Variants in VAV1 observed in about 807,000 individuals in gnomAD.
VAV1 encodes the protein proto-oncogene vav.
A neutral mutation model predicts 128.1 loss-of-function variants in VAV1; 33 were observed. The ratio of observed to expected loss-of-function variants is 0.26; its 90% confidence interval spans 0.20 to 0.34. The LOEUF is 0.34. Among genes scored for constraint, VAV1 ranks in the 10% least tolerant of loss-of-function variants. VAV1 has a pLI of 1.00. For missense variants in VAV1, 715 were observed against 1,093.7 expected, an observed-to-expected ratio of 0.65 and a Z score of 4.88; for synonymous variants, 394 against 409.8, an observed-to-expected ratio of 0.96 and a Z score of 0.47.
rs1971757356 is a variant in VAV1 at position 6,820,605 on chromosome 19, T to G, written c.205-97T>G. On this transcript the variant is annotated intron_variant, in intron 1 of 26. Coordinates refer to ENST00000602142, the MANE Select transcript of VAV1 (RefSeq NM_005428.4). This position sits in a 1 kb window ranked among gnomAD's most constrained non-coding sequence, Gnocchi z 4.4. ...ATGGAAGAGGGTCTGTGCTTTCATT[T>G]CCCCTCCACACCAGTCCCCAAGCTA... The G allele has an allele frequency of 3.4e-6, 3 of 872,958 alleles. No homozygotes were observed. The highest frequency in any genetic ancestry group is 3.8e-6 in the Non-Finnish European group (2 of 526,580). 54.1% of individuals were successfully genotyped at this position (872,958 alleles called of 1,614,324 possible). A position where few individuals can be genotyped will look rare whatever the true frequency, so the allele number is the denominator to read the frequency against.
intron 23 of VAV1, among the ~76,000 whole-genome samples, chr19:6,848,333 T>TAA (rs1972576436): frequency 6.6e-6 from 1 of 152,214 alleles, no homozygotes; most frequent in Non-Finnish European, 1.5e-5. Flanking sequence ...AAAAGGCTCT[T>TAA]AAAATTAATT....
rs1291604095 is a variant in VAV1 at position 6,828,376 on chromosome 19, A to G, written c.1024-43A>G. 6.2e-7 allele frequency: 1 copy of G among 1,607,116 alleles called. No individual in the cohort carries two copies. The highest frequency in any genetic ancestry group is 1.1e-5 in the South Asian group (1 of 90,906). ...TTGGAAGGCCCTCCCCGCAGGGAGA[A>G]GGGGAGGGGCCCAGGTGACGTCTGA... On this transcript the variant is annotated intron_variant, in intron 10 of 26. Transcript: ENST00000602142. This position sits in a 1 kb window ranked among gnomAD's most constrained non-coding sequence, Gnocchi z 4.5.
At chr19:6,782,472 T>C (rs657469) in intron 1 of VAV1, among the ~76,000 whole-genome samples, 32,985 of 152,108 alleles carry the variant, frequency 0.22, 3,675 homozygotes, top group African/African-American at 0.25. Flanking sequence ...TAACATATAG[T>C]GAGTGCTAAA....
chr19:6,828,970 A>G lies in VAV1; in HGVS notation c.1265+70A>G. On this transcript the variant is annotated intron_variant, in intron 13 of 26. Transcript: ENST00000602142. This position sits in a 1 kb window ranked among gnomAD's most constrained non-coding sequence, Gnocchi z 4.5. ...GGTGGGACCAGGCTCCTAGATGGGCAGGTGGGTGGAGTCAACACAGATCTG... is the reference window on the plus strand; with the variant it reads ...GGTGGGACCAGGCTCCTAGATGGGCGGGTGGGTGGAGTCAACACAGATCTG... 1 of 1,563,952 alleles carries G rather than the reference A, an allele frequency of 6.4e-7. No individual in the cohort carries two copies. The highest frequency in any genetic ancestry group is 1.1e-5 in the South Asian group (1 of 89,222).
At chr19:6,808,573 A>G (rs1483526798) in intron 1 of VAV1, among the ~76,000 whole-genome samples, 1 of 152,196 alleles carries the variant, frequency 6.6e-6, no homozygotes, top group African/African-American at 2.4e-5. Context: ...TTCTTCCGCC[A>G]CCTGTGAATT....
Position 6,832,122 on chromosome 19 carries a change from A to G in VAV1, c.1430A>G (p.Gln477Arg). ...CACATGTTCCTCCTGATCGAGGACC[A>G]AGGTGCCCAGGGCTATGAGCTGTTC... Reference protein sequence around the residue: ...WSHMFLLIEDQGAQGYELFFK... With the variant: ...WSHMFLLIEDRGAQGYELFFK... Residue 477 changes from glutamine to arginine, a missense_variant, in exon 15 of 27, where the codon CAA (glutamine) becomes CGA (arginine). Transcript: ENST00000602142. 2 of 1,614,142 alleles carry G rather than the reference A, an allele frequency of 1.2e-6. No individual in the cohort carries two copies. The highest frequency in any genetic ancestry group is 1.7e-6 in the Non-Finnish European group (2 of 1,179,996).
At chr19:6,849,267 G>A (rs1014451571) in intron 23 of VAV1, among the ~76,000 whole-genome samples, 3 of 143,612 alleles carry the variant, frequency 2.1e-5, no homozygotes, top group Non-Finnish European at 3.0e-5. Flanking sequence ...GTGCTCCCCC[G>A]AGTCTACTGT....
At chr19:6,773,658 G>A (rs1200192068) in intron 1 of VAV1, among the ~76,000 whole-genome samples, 1 of 152,194 alleles carries the variant, frequency 6.6e-6, no homozygotes, top group Non-Finnish European at 1.5e-5. Flanking sequence ...AGGTCTTGGT[G>A]CTTGGAAGAG....
chr19:6,810,185 T>G (rs1971485939), intron 1 of VAV1, among the ~76,000 whole-genome samples: 1 of 151,388 alleles, frequency 6.6e-6, no homozygotes, highest in South Asian at 2.1e-4. Flanking sequence ...TCTCTACAAA[T>G]AAAAAGTTAG....
In VAV1 at chr19:6,780,951, C is replaced by G. The variant is rs1345225649; in HGVS notation, c.204+7940C>G. On this transcript the variant is annotated intron_variant, in intron 1 of 26. Coordinates refer to ENST00000602142, the MANE Select transcript of VAV1 (RefSeq NM_005428.4). The stretch of plus-strand genomic sequence containing the variant: ...TGAGACAGAGTCTCACTCTGTCACC[C>G]AGGCTGGAGTGCATTGGCACGATCT... Among the ~76,000 whole-genome samples the G allele has an allele frequency of 4.6e-5, 7 of 150,906 alleles. 1 individual carries two copies. Among genetic ancestry groups the G allele is most frequent in the Admixed American group, 4.6e-4 (7 of 15,128 alleles).
intron 23 of VAV1, among the ~76,000 whole-genome samples, chr19:6,848,649 C>T (rs533651904): frequency 5.7e-4 from 87 of 152,108 alleles, no homozygotes; most frequent in African/African-American, 2.0e-3. Context: ...GTGATCCACC[C>T]GCCTCGGCCT....
At chr19:6,850,049 G>T (rs529931517) in intron 23 of VAV1, among the ~76,000 whole-genome samples, 2 of 151,570 alleles carry the variant, frequency 1.3e-5, no homozygotes, top group South Asian at 4.2e-4. Context: ...TTACAGTCCA[G>T]CCCACAGTGT....
intron 1 of VAV1, among the ~76,000 whole-genome samples, chr19:6,790,259 T>A (rs1317872338): frequency 6.6e-6 from 1 of 152,134 alleles, no homozygotes; most frequent in Non-Finnish European, 1.5e-5. Context: ...TCATCAGTGA[T>A]AAGGGCTACA....
intron 6 of VAV1, 48 bp from the exon 7 acceptor site, chr19:6,825,005 G>T: frequency 1.3e-6 from 2 of 1,593,202 alleles, no homozygotes; most frequent in Non-Finnish European, 1.7e-6. Flanking sequence ...AGACTGGTCT[G>T]GAGGAGGGAA....
chr19:6,840,770 A>G (rs1199132473), intron 21 of VAV1, among the ~76,000 whole-genome samples: 1 of 151,238 alleles, frequency 6.6e-6, no homozygotes, highest in Non-Finnish European at 1.5e-5. Context: ...ATGCCTGGCT[A>G]ATTTTTCTAC....
intron 6 of VAV1, among the ~76,000 whole-genome samples, chr19:6,823,931 C>CTT (rs142722522): frequency 2.7e-5 from 4 of 150,410 alleles, no homozygotes; most frequent in African/African-American, 9.8e-5. Flanking sequence ...TTTTTTGTTT[C>CTT]TTTTTTTTTG....
At chr19:6,807,972 A>C (rs537322836) in intron 1 of VAV1, among the ~76,000 whole-genome samples, 2 of 140,320 alleles carry the variant, frequency 1.4e-5, no homozygotes, top group South Asian at 4.7e-4. Context: ...CCTGGGTGAC[A>C]GAGTGAGACT....
At chr19:6,781,255 G>A (rs543503429) in intron 1 of VAV1, among the ~76,000 whole-genome samples, 3 of 152,236 alleles carry the variant, frequency 2.0e-5, no homozygotes, top group South Asian at 2.1e-4. Context: ...TTTGTCAACC[G>A]AAGTGCTAGC....
At position 6,804,809 on chromosome 19, in the gene VAV1, T is replaced by C. The variant is rs575840986; in HGVS notation, c.205-15893T>C. On this transcript the variant is annotated intron_variant, in intron 1 of 26. Coordinates refer to ENST00000602142, the MANE Select transcript of VAV1 (RefSeq NM_005428.4). ...CGCAATCTTGGCTCACTGCAAGCTC[T>C]GCCTCCCACGTTCACGCCATTCTCC... Among the ~76,000 whole-genome samples, 199 of 151,248 alleles carry C rather than the reference T, an allele frequency of 1.3e-3. 1 individual carries two copies. Among genetic ancestry groups the C allele is most frequent in the African/African-American group, 2.2e-3 (92 of 41,202 alleles).
Sources: allele counts gnomAD v4.1 joint callset (sites outside exome capture counted in the v4.1 genomes callset), GRCh38; gene constraint gnomAD v4.1.1; non-coding constraint Gnocchi (gnomAD v3.1); transcripts MANE v1.5; gene names NCBI Gene and HGNC (gene_info 2026-07-23, HGNC 2026-07-21).